FHAD1: variants seen among roughly 807,000 people sequenced by gnomAD.
FHAD1 encodes forkhead-associated domain-containing protein 1.
FHAD1 carries 146 observed loss-of-function variants against 191.3 expected under a neutral mutation model. That is an observed-to-expected ratio of 0.76 (90% CI 0.67 to 0.88). The LOEUF is 0.88. Among genes scored for constraint, FHAD1 ranks in the 40% least tolerant of loss-of-function variants. The pLI is 0.00. For missense variants in FHAD1, 1,635 were observed against 1,785.8 expected (o/e 0.92, Z 1.52); for synonymous variants, 616 against 672.3 (o/e 0.92, Z 1.29).
In FHAD1 at chr1:15,345,098, AT is replaced by A; in HGVS notation, c.2148del (p.Thr717LeufsTer11). 6.4e-7 allele frequency: 1 copy of A among 1,551,622 alleles called. No homozygotes were observed. The highest frequency in any genetic ancestry group is 8.7e-7 in the Non-Finnish European group (1 of 1,146,894). On this transcript the variant is annotated frameshift_variant, in exon 17 of 34. Coordinates refer to ENST00000688493, the MANE Select transcript of FHAD1 (RefSeq NM_001391957.1). LOFTEE classifies it high-confidence loss of function. ...TEEKAALEEY[I>X]TQERNRAKET... ...TGGTTTCCAGGCTTTGGAGGAGTAC[AT>A]TACTCAAGAGAGAAACAGAGCGAAA...
chr1:15,357,538 G>A (rs528375736), intron 20 of FHAD1, among the ~76,000 whole-genome samples: 3 of 150,860 alleles, frequency 2.0e-5, no homozygotes, highest in Non-Finnish European at 2.9e-5. Context: ...CAGGTGAATC[G>A]CTTGAACCTG....
chr1:15,245,749 G>T (rs1437547060), upstream of FHAD1, among the ~76,000 whole-genome samples: 1 of 152,238 alleles, frequency 6.6e-6, no homozygotes, highest in Non-Finnish European at 1.5e-5. Flanking sequence ...GGTCTCTGCA[G>T]TTCAGCTGCA....
rs781448277 is a variant in FHAD1 at position 15,388,068 on chromosome 1, C to T, written c.4206C>T (p.His1402=). The T allele has an allele frequency of 1.7e-5, 22 of 1,289,552 alleles. No individual in the cohort carries two copies. The African/African-American group carries it at 2.0e-4, about 12-fold the overall frequency. The allele number at this position is 1,289,552 out of a possible 1,614,324, so 79.9% of individuals were successfully genotyped here. The part of the protein sequence containing the change: ...IRQQKESVEE[H]ELRNAKESTP... ...TCACTCAGGAAAGTGTAGAGGAGCA[C>T]GAACTGAGAAACGCAAAAGAATCGA... The change falls in exon 32 of 34, where the codon CAC becomes CAT. Residue 1402 remains histidine, a synonymous_variant. Coordinates refer to ENST00000688493, the MANE Select transcript of FHAD1 (RefSeq NM_001391957.1).
intron 3 of FHAD1, among the ~76,000 whole-genome samples, chr1:15,275,466 A>G (rs1413021766): frequency 6.6e-6 from 1 of 152,050 alleles, no homozygotes; most frequent in Non-Finnish European, 1.5e-5. Flanking sequence ...TTTTCCTCAG[A>G]AGACCCCCTG....
intron 18 of FHAD1, among the ~76,000 whole-genome samples, chr1:15,347,930 T>C (rs1331170865): frequency 6.6e-6 from 1 of 152,168 alleles, no homozygotes; most frequent in African/African-American, 2.4e-5. Context: ...AGGCCTCTCT[T>C]ACCAATAGTA....
At chr1:15,360,798 G>T in intron 22 of FHAD1, 95 bp downstream of exon 22, 1 of 1,030,534 alleles carries the variant, frequency 9.7e-7, no homozygotes, top group Non-Finnish European at 1.4e-6. Flanking sequence ...GAAAAAGGCC[G>T]TGCCTCATTC....
chr1:15,281,780 A>G (rs983636546), intron 3 of FHAD1, among the ~76,000 whole-genome samples: 1 of 151,170 alleles, frequency 6.6e-6, no homozygotes, highest in Non-Finnish European at 1.5e-5. Context: ...AAAAAAAAAA[A>G]AAAAGGAGAG....
In FHAD1 at chr1:15,380,707, A is replaced by C; in HGVS notation, c.3712A>C (p.Asn1238His). The C allele has an allele frequency of 6.4e-7, 1 of 1,551,598 alleles. No individual in the cohort carries two copies. Among genetic ancestry groups the C allele is most frequent in the Non-Finnish European group, 8.7e-7 (1 of 1,146,882 alleles). The change falls in exon 29 of 34, where the codon AAT (asparagine) becomes CAT (histidine). Residue 1238 changes from asparagine to histidine, a missense_variant. Coordinates refer to ENST00000688493, the MANE Select transcript of FHAD1 (RefSeq NM_001391957.1). The part of the protein sequence containing the change: ...LSRIEILAPQ[N>H]GLCNARFGSA... The stretch of plus-strand genomic sequence containing the variant: ...CATTTCTTTCTGATTTCAGCCTCAG[A>C]ATGGCCTTTGCAACGCAAGGTTCGG...
chr1:15,388,873 T>C (rs115171806), intron 32 of FHAD1, among the ~76,000 whole-genome samples: 2 of 152,158 alleles, frequency 1.3e-5, no homozygotes, highest in Non-Finnish European at 2.9e-5. Flanking sequence ...TGGGGTGACA[T>C]GGGCTGAGCC....
rs1392625392 is a variant in FHAD1, at chr1:15,391,206, G to A, written c.4270-4G>A. 7.8e-7 allele frequency: 1 copy of A among 1,283,362 alleles called. No homozygotes were observed. Among genetic ancestry groups the A allele is most frequent in the South Asian group, 1.2e-5 (1 of 80,034 alleles). The allele number at this position is 1,283,362 out of a possible 1,614,324, so 79.5% of individuals were successfully genotyped here. A position where few individuals can be genotyped will look rare whatever the true frequency, so the allele number is the denominator to read the frequency against. ...ATTTTGTTCTTATTCTTTCTGTATT[G>A]AAGAGACGAGTATTTGTAGAGATGG... On this transcript the variant is annotated splice_region_variant and splice_polypyrimidine_tract_variant and intron_variant, in intron 32 of 33. Coordinates refer to ENST00000688493, the MANE Select transcript of FHAD1 (RefSeq NM_001391957.1).
intron 4 of FHAD1, among the ~76,000 whole-genome samples, chr1:15,294,309 C>T (rs1666164012): frequency 6.6e-6 from 1 of 152,172 alleles, no homozygotes; most frequent in Non-Finnish European, 1.5e-5. Context: ...AAACGCAAAG[C>T]CAAGGACTTA....
At position 15,381,902 on chromosome 1, in the gene FHAD1, C is replaced by G; in HGVS notation, c.4023-126C>G. 1 of 1,022,334 alleles carries G rather than the reference C, an allele frequency of 9.8e-7. No homozygotes were observed. 63.3% of individuals were successfully genotyped at this position (1,022,334 alleles called of 1,614,324 possible). ...CCCAAATCTTCGTCATGCTCTCCTG[C>G]TTGTGATGACACTCCTGAGTGAGCC... On this transcript the variant is annotated intron_variant, in intron 30 of 33. Transcript: ENST00000688493. This position sits in a 1 kb window ranked among gnomAD's most constrained non-coding sequence, Gnocchi z 4.6.
At chr1:15,331,246 C>T (rs1681240694) in intron 14 of FHAD1, among the ~76,000 whole-genome samples, 1 of 151,894 alleles carries the variant, frequency 6.6e-6, no homozygotes, top group South Asian at 2.1e-4. Flanking sequence ...CCCCAGGTGT[C>T]TTGTCTGGGG....
intron 8 of FHAD1, among the ~76,000 whole-genome samples, chr1:15,315,730 C>T (rs1223860333): frequency 6.6e-6 from 1 of 152,086 alleles, no homozygotes; most frequent in African/African-American, 2.4e-5. Flanking sequence ...TCATGATCTG[C>T]CCACCTCGGC....
intron 6 of FHAD1, among the ~76,000 whole-genome samples, chr1:15,307,101 C>G (rs145424799): frequency 6.6e-6 from 1 of 152,226 alleles, no homozygotes; most frequent in Admixed American, 6.5e-5. Context: ...GAACCTACCT[C>G]TTGCATCAGC....
chr1:15,344,924 G>A (rs1441963668), intron 16 of FHAD1, among the ~76,000 whole-genome samples, 159 bp from the exon 17 acceptor site: 3 of 151,452 alleles, frequency 2.0e-5, no homozygotes, highest in East Asian at 1.9e-4. Flanking sequence ...TGGGTCTCCT[G>A]ACTCCAGAGC....
At chr1:15,359,141 G>C (rs555770195) in intron 21 of FHAD1, among the ~76,000 whole-genome samples, 2 of 152,252 alleles carry the variant, frequency 1.3e-5, no homozygotes, top group Non-Finnish European at 2.9e-5. Context: ...GGGTCATGGT[G>C]GGGGGTTCTC....
intron 8 of FHAD1, chr1:15,314,637 G>GTGTGTGAGTGT (rs1364057351): frequency 4.5e-5 from 1 of 22,080 alleles, no homozygotes; most frequent in Non-Finnish European, 1.3e-4. Context: ...GGATGTATGT[G>GTGTGTGAGTGT]GGTGTGTGGG....
chr1:15,388,432 C>A, intron 32 of FHAD1: 1 of 1,182,866 alleles, frequency 8.5e-7, no homozygotes, highest in South Asian at 1.6e-5. Flanking sequence ...GGTGAGAAGG[C>A]AGAGGGGATA....
Sources: gnomAD v4.1 joint callset for allele counts (sites outside exome capture counted in the v4.1 genomes callset) on GRCh38, gnomAD v4.1.1 for gene constraint, Gnocchi (gnomAD v3.1) non-coding constraint, MANE v1.5 for transcripts, NCBI Gene and HGNC (gene_info 2026-07-23, HGNC 2026-07-21) for gene names.